The following NLK variants were observed in gnomAD, a reference collection of about 807,000 sequenced individuals.
NLK encodes serine/threonine-protein kinase NLK.
In NLK, 11 loss-of-function variants were observed where a neutral mutation model predicts 59.0. The observed-to-expected ratio is 0.19, with a 90% CI of 0.12 to 0.31. The LOEUF (loss-of-function observed/expected upper bound fraction) is 0.31. Among genes scored for constraint, NLK ranks in the 10% least tolerant of loss-of-function variants. The pLI is 1.00. For synonymous variants in NLK, 235 were observed against 235.9 expected (o/e 1.00, Z 0.03); for missense variants, 410 against 661.1 (o/e 0.62, Z 4.16).
intron 1 of NLK, among the ~76,000 whole-genome samples, chr17:28,093,633 A>G (rs1011912860): frequency 6.6e-6 from 1 of 152,170 alleles, no homozygotes; most frequent in African/African-American, 2.4e-5. Context: ...CTTTAATCCA[A>G]TCCCAGTTCT....
chr17:28,077,073 C>CTTTT (rs35639099), intron 1 of NLK, among the ~76,000 whole-genome samples: 292 of 42,150 alleles, frequency 6.9e-3, no homozygotes, highest in Non-Finnish European at 8.1e-3. Flanking sequence ...CTCTTTCTTT[C>CTTTT]TTTTTTTTTT....
intron 1 of NLK, among the ~76,000 whole-genome samples, chr17:28,109,077 A>G (rs1905344571): frequency 6.6e-6 from 1 of 152,158 alleles, no homozygotes; most frequent in South Asian, 2.1e-4. Context: ...AGGCTGAGGC[A>G]GGAGAATGGC....
In NLK at chr17:28,042,773, CTA is replaced by C; in HGVS notation, c.-99_-98del. The C allele has an allele frequency of 9.4e-7, 1 of 1,061,656 alleles. No homozygotes were observed. Among genetic ancestry groups the C allele is most frequent in the Non-Finnish European group, 1.3e-6 (1 of 754,618 alleles). 65.8% of individuals were successfully genotyped at this position (1,061,656 alleles called of 1,614,324 possible). The stretch of plus-strand genomic sequence containing the variant: ...GATTGACTGATGAAGACATAAAGCT[CTA>C]TGTTTTTTGAGGTGGAGTGAGTGGT... On this transcript the variant is annotated 5_prime_UTR_variant, in exon 1 of 11. An upstream start codon of the reference 5' UTR is lost. Transcript: ENST00000407008.
At chr17:28,186,033 T>G (rs1909102755) in intron 8 of NLK, among the ~76,000 whole-genome samples, 1 of 152,174 alleles carries the variant, frequency 6.6e-6, no homozygotes, top group South Asian at 2.1e-4. Flanking sequence ...ATATTTATTA[T>G]TCACATCTAT....
the NLK span, among the ~76,000 whole-genome samples, chr17:28,201,593 T>C: frequency 2.6e-5 from 4 of 152,104 alleles, no homozygotes; most frequent in Non-Finnish European, 1.5e-5. Flanking sequence ...TACTAGCCAA[T>C]TGAACTCAGG....
At chr17:28,119,136 T>C (rs1246001295) in intron 1 of NLK, among the ~76,000 whole-genome samples, 1 of 152,150 alleles carries the variant, frequency 6.6e-6, no homozygotes, top group East Asian at 1.9e-4. Flanking sequence ...GCCTCAAGCC[T>C]TTGAGTAACA....
intron 1 of NLK, among the ~76,000 whole-genome samples, chr17:28,080,659 T>C (rs2142765783): frequency 6.6e-6 from 1 of 152,166 alleles, no homozygotes; most frequent in East Asian, 1.9e-4. Flanking sequence ...TTTGGAGGCA[T>C]TGGAGCATTT....
At chr17:28,104,043 A>G (rs1327448915) in intron 1 of NLK, among the ~76,000 whole-genome samples, 4 of 152,206 alleles carry the variant, frequency 2.6e-5, no homozygotes, top group Non-Finnish European at 5.9e-5. Context: ...AAATTCCTAT[A>G]TTCTTTAAGA....
chr17:28,051,277 ATTTGTTTGTTTG>A (rs566365199), intron 1 of NLK, among the ~76,000 whole-genome samples: 3 of 151,376 alleles, frequency 2.0e-5, no homozygotes, highest in Admixed American at 1.3e-4. Flanking sequence ...TCCAAATCTC[ATTTGTTTGTTTG>A]TTTGTTTGTT....
intron 1 of NLK, among the ~76,000 whole-genome samples, chr17:28,112,756 G>A (rs1905580710): frequency 6.6e-6 from 1 of 152,122 alleles, no homozygotes; most frequent in Admixed American, 6.5e-5. Context: ...GCTTCACAAC[G>A]GAAGAAGTTA....
intron 2 of NLK, among the ~76,000 whole-genome samples, chr17:28,126,294 C>A (rs1163165209): frequency 6.6e-6 from 1 of 152,136 alleles, no homozygotes; most frequent in Non-Finnish European, 1.5e-5. Flanking sequence ...ATGGGTCTTA[C>A]CTTGCACCTA....
At chr17:28,178,329 G>A (rs1391935085) in intron 7 of NLK, among the ~76,000 whole-genome samples, 1 of 152,148 alleles carries the variant, frequency 6.6e-6, no homozygotes, top group African/African-American at 2.4e-5. Context: ...TTGCAATCAA[G>A]CCTAATCAAA....
rs1221145320 is a variant in NLK at position 28,043,259 on chromosome 17, C to T, written c.386C>T (p.Ser129Leu). 17 of 1,613,296 alleles carry T rather than the reference C, an allele frequency of 1.1e-5. No homozygotes were observed. Among genetic ancestry groups the T allele is most frequent in the Non-Finnish European group, 1.2e-5 (14 of 1,179,662 alleles). The change falls in exon 1 of 11, where the codon TCG becomes TTG. Residue 129 changes from serine (S) to leucine (L), a missense_variant. Around this residue, in one of 5 missense-constraint regions of NLK, gnomAD observed 73 missense variants for 197.2 expected, o/e 0.37. Transcript: ENST00000407008. ...GTTAAGGCGCACCATCATCAGCACT[C>T]GCATCATCCACAGCAGCAGCTGGAT... ...ATVKAHHHQH[S>L]HHPQQQLDIE...
chr17:28,140,619 T>TA (rs899438269), intron 3 of NLK, among the ~76,000 whole-genome samples: 15 of 152,152 alleles, frequency 9.9e-5, no homozygotes, highest in African/African-American at 3.6e-4. Context: ...CAGCAGGTAA[T>TA]ACAAAATATG....
intron 1 of NLK, among the ~76,000 whole-genome samples, chr17:28,043,654 T>G (rs1048884535): frequency 6.6e-6 from 1 of 152,224 alleles, no homozygotes; most frequent in African/African-American, 2.4e-5. Flanking sequence ...TACGAAGACC[T>G]TGGTCATCTC....
chr17:28,145,837 C>G (rs1907222681), intron 3 of NLK, among the ~76,000 whole-genome samples: 1 of 152,072 alleles, frequency 6.6e-6, no homozygotes, highest in Non-Finnish European at 1.5e-5. Context: ...TCCTGAGTAA[C>G]TGGGATTACA....
intron 1 of NLK, among the ~76,000 whole-genome samples, chr17:28,059,845 A>G (rs1315402237): frequency 6.6e-6 from 1 of 152,214 alleles, no homozygotes; most frequent in Non-Finnish European, 1.5e-5. Flanking sequence ...AATTGGAGAA[A>G]GATATGCACT....
chr17:28,072,994 T>C (rs1910057861), intron 1 of NLK, among the ~76,000 whole-genome samples: 1 of 152,116 alleles, frequency 6.6e-6, no homozygotes, highest in Non-Finnish European at 1.5e-5. Context: ...ACTTTATTTT[T>C]TGTGATTTTT....
chr17:28,054,897 T>C (rs749614275), intron 1 of NLK, among the ~76,000 whole-genome samples: 2 of 152,094 alleles, frequency 1.3e-5, no homozygotes, highest in Non-Finnish European at 2.9e-5. Context: ...AAATAAAAAA[T>C]AAAAATTAGC....
Sources: allele counts gnomAD v4.1 joint callset (sites outside exome capture counted in the v4.1 genomes callset), GRCh38; gene constraint gnomAD v4.1.1; regional missense constraint gnomAD v4.1.1; transcripts MANE v1.5; gene names NCBI Gene and HGNC (gene_info 2026-07-23, HGNC 2026-07-21).